Variants in NUP160 observed in about 807,000 individuals in gnomAD.
NUP160 encodes nuclear pore complex protein Nup160.
A neutral mutation model predicts 196.9 loss-of-function variants in NUP160; 94 were observed. The ratio of observed to expected loss-of-function variants is 0.48; its 90% CI spans 0.40 to 0.57. The LOEUF is 0.57. NUP160 is among the 20% of genes least tolerant of loss of function. The pLI is 0.00. For synonymous variants in NUP160, 605 were observed against 619.7 expected (o/e 0.98, Z 0.35); for missense variants, 1,638 against 1,748.3 (o/e 0.94, Z 1.13).
chr11:47,812,219 G>T, exon 17 of NUP160: 1 of 1,613,914 alleles, frequency 6.2e-7, no homozygotes, highest in Non-Finnish European at 8.5e-7. Context: ...ATATTCAAAG[G>T]CTGAGCTGTA....
chr11:47,827,531 T>C (rs1851996011), intron 7 of NUP160, among the ~76,000 whole-genome samples: 1 of 151,938 alleles, frequency 6.6e-6, no homozygotes, highest in South Asian at 2.1e-4. Flanking sequence ...GTGAAACCTC[T>C]TCTCTACCAA....
intron 18 of NUP160, 42 bp downstream of exon 18, chr11:47,808,354 C>G (rs371709742): frequency 9.7e-5 from 151 of 1,560,374 alleles, no homozygotes; most frequent in Non-Finnish European, 1.2e-4. Flanking sequence ...AATAATTAAA[C>G]TCACAATTTA....
intron 29 of NUP160, among the ~76,000 whole-genome samples, chr11:47,789,696 G>A (rs908611022): frequency 2.0e-5 from 3 of 151,414 alleles, no homozygotes; most frequent in Admixed American, 6.6e-5. Flanking sequence ...AGTATATAAC[G>A]TTACTACTAT....
chr11:47,803,145 T>TAATAATAAG (rs1454013263), intron 22 of NUP160, among the ~76,000 whole-genome samples: 1 of 135,628 alleles, frequency 7.4e-6, no homozygotes, highest in Non-Finnish European at 1.6e-5. Context: ...TTTTACAAAA[T>TAATAATAAG]AATAATAATA....
chr11:47,785,097 G>C (rs773490396), intron 32 of NUP160, 34 bp from the exon 33 acceptor site: 3 of 1,137,750 alleles, frequency 2.6e-6, no homozygotes, highest in Non-Finnish European at 2.5e-6. Context: ...ATGAGTTTCA[G>C]ATTCTTAATA....
At chr11:47,819,006 G>C (rs1229135633) in intron 10 of NUP160, among the ~76,000 whole-genome samples, 1 of 151,674 alleles carries the variant, frequency 6.6e-6, no homozygotes, top group Non-Finnish European at 1.5e-5. Context: ...TTATCCTGAG[G>C]GTGTCCCTTA....
At chr11:47,799,224 T>G (rs1418120569) in intron 23 of NUP160, among the ~76,000 whole-genome samples, 1 of 151,878 alleles carries the variant, frequency 6.6e-6, no homozygotes, top group African/African-American at 2.4e-5. Flanking sequence ...TAGCTGGGAT[T>G]ACAGGCATGC....
At chr11:47,803,162 A>ATAATAATAATAATAATAATAATAT (rs2097675313) in intron 22 of NUP160, among the ~76,000 whole-genome samples, 1 of 148,170 alleles carries the variant, frequency 6.7e-6, no homozygotes, top group Non-Finnish European at 1.5e-5. Flanking sequence ...AATAATAATA[A>ATAATAATAATAATAATAATAATAT]TAATAATAAT....
chr11:47,794,067 G>C (rs2097669474), intron 27 of NUP160, among the ~76,000 whole-genome samples: 1 of 152,178 alleles, frequency 6.6e-6, no homozygotes, highest in African/African-American at 2.4e-5. Flanking sequence ...GTGGTTGCCA[G>C]GGAATCGGGG....
At chr11:47,827,661 T>C (rs1662693681) in intron 7 of NUP160, among the ~76,000 whole-genome samples, 1 of 150,478 alleles carries the variant, frequency 6.6e-6, no homozygotes, top group South Asian at 2.1e-4. Flanking sequence ...GAGCTGAGAG[T>C]GCATTCACTG....
At chr11:47,839,924 T>C (rs150615230) in exon 4 of NUP160, 3 of 1,614,056 alleles carry the variant, frequency 1.9e-6, no homozygotes, top group Non-Finnish European at 2.5e-6. Flanking sequence ...TCCCCATCAC[T>C]GCTGAGCCAG....
chr11:47,798,067 C>G, exon 26 of NUP160: 1 of 1,577,600 alleles, frequency 6.3e-7, no homozygotes, highest in Non-Finnish European at 8.6e-7. Flanking sequence ...CGTAAACAAT[C>G]TAATTGCCTA....
chr11:47,800,022 G>C (rs1253993511), intron 23 of NUP160, among the ~76,000 whole-genome samples: 2 of 152,058 alleles, frequency 1.3e-5, no homozygotes, highest in Admixed American at 1.3e-4. Flanking sequence ...GGGAGGCCGA[G>C]GCAGGTGGAT....
rs2097683714 is a variant in NUP160, at chr11:47,815,263, A to G, written c.1686+216T>C. 3 of 383,754 alleles carry G rather than the reference A, an allele frequency of 7.8e-6. No individual in the cohort carries two copies. The Admixed American group carries it at 1.3e-4, about 17-fold the overall frequency. 23.8% of individuals were successfully genotyped at this position (383,754 alleles called of 1,614,324 possible). A position where few individuals can be genotyped will look rare whatever the true frequency, so the allele number is the denominator to read the frequency against. On this transcript the variant is annotated intron_variant, in intron 13 of 35. Coordinates refer to ENST00000378460, the Ensembl canonical transcript of NUP160. ...AAAGAAATAAATACAATAAAATACA[A>G]AAAAAGTATAGAGAATAACACAGAA...
At chr11:47,845,174 CTT>C (rs1047888308) in intron 2 of NUP160, among the ~76,000 whole-genome samples, 1 of 152,082 alleles carries the variant, frequency 6.6e-6, no homozygotes, top group African/African-American at 2.4e-5. Context: ...CAGTTTTGCT[CTT>C]GTTGCCCAGG....
chr11:47,806,621 T>C (rs2097677808), intron 19 of NUP160: 1 of 279,726 alleles, frequency 3.6e-6, no homozygotes, highest in Non-Finnish European at 6.7e-6. Context: ...GGATTTCAAC[T>C]TTTATACCAG....
chr11:47,817,828 A>G (rs747855073), intron 11 of NUP160, among the ~76,000 whole-genome samples: 7 of 152,188 alleles, frequency 4.6e-5, no homozygotes, highest in Non-Finnish European at 1.0e-4. Context: ...TAACTCTGGC[A>G]TGTGTCACTG....
Position 47,848,167 on chromosome 11 carries a change from G to A in NUP160, c.202+52C>T, listed in dbSNP as rs1273848727. On this transcript the variant is annotated intron_variant, in intron 1 of 35. Coordinates refer to ENST00000378460, the Ensembl canonical transcript of NUP160. ...GCGTCAGGGACCCTGGGACCCATGA[G>A]AGGAGCCCGAGGGGACAGATGGGAT... The A allele has an allele frequency of 5.0e-6, 8 of 1,591,758 alleles. No homozygotes were observed. The East Asian group carries it at 1.8e-4, about 36-fold the overall frequency.
chr11:47,846,601 G>C (rs1004358943), intron 2 of NUP160, among the ~76,000 whole-genome samples: 1 of 152,034 alleles, frequency 6.6e-6, no homozygotes, highest in Admixed American at 6.6e-5. Flanking sequence ...AAGGTATCTT[G>C]AATCCATCTA....
Sources: gnomAD v4.1 joint callset for allele counts (sites outside exome capture counted in the v4.1 genomes callset) on GRCh38, gnomAD v4.1.1 for gene constraint, MANE v1.5 for transcripts, NCBI Gene and HGNC (gene_info 2026-07-23, HGNC 2026-07-21) for gene names.